The following WWP2 variants were observed in gnomAD, a reference collection of about 807,000 sequenced individuals.
WWP2 encodes WW domain containing E3 ubiquitin protein ligase 2, also known as NEDD4-like E3 ubiquitin-protein ligase WWP2.
In WWP2, 57 loss-of-function variants were observed where a neutral mutation model predicts 121.0. That is an observed-to-expected ratio of 0.47 (90% CI 0.38 to 0.59). The LOEUF is 0.59. Among genes scored for constraint, WWP2 ranks in the 20% least tolerant of loss-of-function variants. The pLI, the probability that WWP2 is intolerant of heterozygous loss-of-function variation, is 0.00. For missense variants in WWP2, 962 were observed against 1,158.9 expected (o/e 0.83, Z 2.47); for synonymous variants, 449 against 441.3 (o/e 1.02, Z -0.22).
At chr16:69,859,795 C>T (rs1000831872) in intron 6 of WWP2, among the ~76,000 whole-genome samples, 3 of 151,996 alleles carry the variant, frequency 2.0e-5, no homozygotes, top group African/African-American at 7.2e-5. Context: ...TTCTCTCCTG[C>T]CACCTGCTGG....
intron 6 of WWP2, among the ~76,000 whole-genome samples, chr16:69,870,452 C>T (rs553438122): frequency 7.9e-5 from 12 of 152,130 alleles, no homozygotes; most frequent in Non-Finnish European, 1.2e-4. Flanking sequence ...AGGCATGCAC[C>T]GGTAGTGCAG....
chr16:69,899,997 A>G (rs2058177134), intron 8 of WWP2, among the ~76,000 whole-genome samples: 1 of 152,142 alleles, frequency 6.6e-6, no homozygotes. Context: ...AGGAATGAAT[A>G]CCCATTATAG....
chr16:69,844,506 A>G (rs749891362), intron 6 of WWP2, among the ~76,000 whole-genome samples: 4 of 146,444 alleles, frequency 2.7e-5, no homozygotes, highest in Non-Finnish European at 6.0e-5. Flanking sequence ...AGATTCAGCT[A>G]TTAACAAGTT....
chr16:69,762,790 C>T (rs567180336), intron 1 of WWP2, among the ~76,000 whole-genome samples: 202 of 152,220 alleles, frequency 1.3e-3, no homozygotes, highest in Non-Finnish European at 2.2e-3. Context: ...GGGTTTATGG[C>T]GTGGAGCCAG....
intron 6 of WWP2, among the ~76,000 whole-genome samples, chr16:69,854,031 A>G (rs1160041280): frequency 6.6e-6 from 1 of 152,210 alleles, no homozygotes; most frequent in Non-Finnish European, 1.5e-5. Flanking sequence ...AGAGAGAAAC[A>G]TCGTATTCCT....
chr16:69,908,855 G>C lies in WWP2; in HGVS notation c.1004+5G>C. On this transcript the variant is annotated splice_donor_5th_base_variant and intron_variant, in intron 9 of 23. Transcript: ENST00000359154. ...GGAGCGGCCCCTTCCTCCAGGGTAG[G>C]TCATCAACTGAGAAGACCTGAGACT... 6.2e-7 allele frequency: 1 copy of C among 1,614,174 alleles called. No homozygotes were observed. The highest frequency in any genetic ancestry group is 8.5e-7 in the Non-Finnish European group (1 of 1,180,024).
intron 6 of WWP2, among the ~76,000 whole-genome samples, chr16:69,847,977 A>G (rs112723383): frequency 2.6e-5 from 4 of 152,182 alleles, no homozygotes; most frequent in African/African-American, 9.7e-5. Context: ...CTAGCACCTC[A>G]CGACTTCCTC....
At chr16:69,832,927 T>A (rs2056817830) in intron 4 of WWP2, among the ~76,000 whole-genome samples, 1 of 152,200 alleles carries the variant, frequency 6.6e-6, no homozygotes, top group Non-Finnish European at 1.5e-5. Context: ...CAAACATGGC[T>A]CAGTGCAGCC....
At chr16:69,808,303 T>C (rs917825267) in intron 4 of WWP2, among the ~76,000 whole-genome samples, 3 of 152,114 alleles carry the variant, frequency 2.0e-5, no homozygotes, top group Non-Finnish European at 4.4e-5. Flanking sequence ...GGGATCTCGC[T>C]ATATTGCCCA....
intron 1 of WWP2, among the ~76,000 whole-genome samples, chr16:69,776,890 C>T (rs1165610080): frequency 6.6e-6 from 1 of 151,620 alleles, no homozygotes. Context: ...TGAAATTAGT[C>T]CCTAGTGTAG....
At chr16:69,889,062 C>T (rs1422737256) in intron 8 of WWP2, among the ~76,000 whole-genome samples, 2 of 152,156 alleles carry the variant, frequency 1.3e-5, no homozygotes, top group East Asian at 1.9e-4. Flanking sequence ...CCAATCAATT[C>T]CATTGCTTTG....
chr16:69,902,817 C>T (rs1009722021), intron 8 of WWP2, among the ~76,000 whole-genome samples: 1 of 152,078 alleles, frequency 6.6e-6, no homozygotes, highest in African/African-American at 2.4e-5. Flanking sequence ...TGAGGAGGAA[C>T]AGGAATCAGG....
chr16:69,767,734 C>T (rs763158843), intron 1 of WWP2, among the ~76,000 whole-genome samples: 14 of 152,166 alleles, frequency 9.2e-5, no homozygotes, highest in East Asian at 1.9e-4. Context: ...TTTCTCAGAA[C>T]GACTGTCCAT....
intron 4 of WWP2, among the ~76,000 whole-genome samples, chr16:69,816,616 A>G (rs192113407): frequency 4.6e-5 from 7 of 152,092 alleles, no homozygotes; most frequent in Admixed American, 2.6e-4. Flanking sequence ...TTTCATGCCT[A>G]TTACTAAAAA....
chr16:69,854,613 C>T (rs142076907), intron 6 of WWP2, among the ~76,000 whole-genome samples: 48 of 152,070 alleles, frequency 3.2e-4, no homozygotes, highest in Middle Eastern at 3.4e-3. Flanking sequence ...TGCAGTGGCA[C>T]GATCTTGGCT....
At chr16:69,882,382 A>T (rs1183458798) in intron 7 of WWP2, among the ~76,000 whole-genome samples, 1 of 152,154 alleles carries the variant, frequency 6.6e-6, no homozygotes, top group African/African-American at 2.4e-5. Context: ...AAACTCACCT[A>T]TTCAATCAAA....
chr16:69,840,661 T>G (rs1358200116), intron 5 of WWP2, among the ~76,000 whole-genome samples: 1 of 152,182 alleles, frequency 6.6e-6, no homozygotes, highest in Non-Finnish European at 1.5e-5. Flanking sequence ...GCTGTGTTCT[T>G]CTAGAGATAC....
At chr16:69,903,637 G>A (rs568043021) in intron 8 of WWP2, among the ~76,000 whole-genome samples, 4 of 152,038 alleles carry the variant, frequency 2.6e-5, no homozygotes, top group Non-Finnish European at 4.4e-5. Context: ...GTGTGGTGGC[G>A]CATACCTGTA....
intron 2 of WWP2, among the ~76,000 whole-genome samples, chr16:69,792,636 C>G (rs1441742481): frequency 6.6e-6 from 1 of 152,130 alleles, no homozygotes; most frequent in Non-Finnish European, 1.5e-5. Flanking sequence ...ACTTAGTATC[C>G]CCAATGGCAG....
Sources: allele counts gnomAD v4.1 joint callset (sites outside exome capture counted in the v4.1 genomes callset), GRCh38; gene constraint gnomAD v4.1.1; transcripts MANE v1.5; gene names NCBI Gene and HGNC (gene_info 2026-07-23, HGNC 2026-07-21).